The following CYP2J2 variants were observed in gnomAD, a reference collection of about 807,000 sequenced individuals.
CYP2J2 encodes cytochrome P450 family 2 subfamily J member 2.
Under a neutral mutation model 48.8 loss-of-function variants are expected in CYP2J2, and 41 were observed. The observed-to-expected ratio is 0.84, with a 90% confidence interval of 0.66 to 1.09. CYP2J2 has a LOEUF of 1.09. CYP2J2 is among the 50% of genes least tolerant of loss of function. The pLI is 0.00. For synonymous variants in CYP2J2, 221 were observed against 227.1 expected, an observed-to-expected ratio of 0.97 and a Z score of 0.24; for missense variants, 644 against 617.3, an observed-to-expected ratio of 1.04 and a Z score of -0.46.
intron 3 of CYP2J2, 88 bp from the exon 4 acceptor site, chr1:59,911,856 T>A: frequency 7.6e-7 from 1 of 1,321,162 alleles, no homozygotes; most frequent in Non-Finnish European, 1.1e-6. Context: ...GCATAAGACA[T>A]ACCTAGTGCA....
the CYP2J2 span, among the ~76,000 whole-genome samples, chr1:59,954,492 A>G: frequency 6.6e-6 from 1 of 151,762 alleles, no homozygotes; most frequent in East Asian, 1.9e-4. Flanking sequence ...AACCTATTTT[A>G]TTTCAAATGA....
At chr1:59,921,592 T>C (rs768962375) in intron 1 of CYP2J2, among the ~76,000 whole-genome samples, 1 of 152,054 alleles carries the variant, frequency 6.6e-6, no homozygotes, top group Admixed American at 6.5e-5. Flanking sequence ...GCCACGGCTC[T>C]TCTAGGTCTC....
At chr1:59,961,625 T>C in the CYP2J2 span, among the ~76,000 whole-genome samples, 1 of 152,060 alleles carries the variant, frequency 6.6e-6, no homozygotes, top group Non-Finnish European at 1.5e-5. Context: ...CAGCTATATA[T>C]AATGAAAAAT....
At chr1:59,947,601 C>T in the CYP2J2 span, among the ~76,000 whole-genome samples, 9 of 152,228 alleles carry the variant, frequency 5.9e-5, no homozygotes, top group East Asian at 1.7e-3. Context: ...TCTTTCCAAC[C>T]ACTATGTCTC....
chr1:59,893,961 C>A, intron 8 of CYP2J2, 132 bp from the exon 9 acceptor site: 1 of 785,380 alleles, frequency 1.3e-6, no homozygotes, highest in Admixed American at 2.7e-5. Context: ...GTGTTATGGC[C>A]AGCAGCTTAT....
chr1:59,949,871 G>A, the CYP2J2 span, among the ~76,000 whole-genome samples: 2 of 151,770 alleles, frequency 1.3e-5, no homozygotes, highest in Non-Finnish European at 2.9e-5. Context: ...ACCACCCCAG[G>A]ACTTCTGCTA....
chr1:59,953,682 G>A, the CYP2J2 span, among the ~76,000 whole-genome samples: 1 of 152,094 alleles, frequency 6.6e-6, no homozygotes, highest in Non-Finnish European at 1.5e-5. Flanking sequence ...AGTAGGCCAC[G>A]TGAGGGTATT....
At chr1:59,956,335 G>A in the CYP2J2 span, among the ~76,000 whole-genome samples, 5 of 152,162 alleles carry the variant, frequency 3.3e-5, no homozygotes, top group Non-Finnish European at 7.4e-5. Flanking sequence ...AAGGAAGTGT[G>A]TGTTGGATGT....
intron 1 of CYP2J2, 26 bp downstream of exon 1, chr1:59,926,511 C>G: frequency 3.8e-6 from 6 of 1,593,120 alleles, no homozygotes; most frequent in Non-Finnish European, 5.2e-6. Context: ...GGTCAGGACA[C>G]GCTAGGCACC....
the CYP2J2 span, among the ~76,000 whole-genome samples, chr1:59,939,451 C>T: frequency 1.3e-5 from 2 of 152,230 alleles, no homozygotes; most frequent in East Asian, 3.8e-4. Flanking sequence ...CTCTCTCTCT[C>T]TGTTCCAAGC....
chr1:59,909,745 C>T, intron 5 of CYP2J2, 39 bp downstream of exon 5: 1 of 1,496,478 alleles, frequency 6.7e-7, no homozygotes, highest in Non-Finnish European at 9.0e-7. Flanking sequence ...TCTATTTGTG[C>T]TCTAAGAACA....
rs61735629 is a variant in CYP2J2 at position 59,912,259 on chromosome 1, C to A, written c.426G>T (p.Leu142=). The A allele has an allele frequency of 1.8e-4, 298 of 1,613,952 alleles. No homozygotes were observed. The African/African-American group carries it at 2.9e-3, about 16-fold the overall frequency. ...QAWKEQRRFT[L]TALRNFGLGK... ...CTAAACCAAAGTTCCTTAGTGCTGT[C>A]AGAGTGAACCTTCTTTGCTCCTTCC... The change falls in exon 3 of 9, where the codon CTG becomes CTT. Residue 142 remains leucine (L), a synonymous_variant. Transcript: ENST00000371204.
chr1:59,929,699 T>TTGATATAGA (rs1644593793), upstream of CYP2J2, among the ~76,000 whole-genome samples: 1 of 152,104 alleles, frequency 6.6e-6, no homozygotes, highest in African/African-American at 2.4e-5. Flanking sequence ...GTAAGATAGC[T>TTGATATAGA]TGATATAGAT....
At chr1:59,901,216 C>T in intron 7 of CYP2J2, 113 bp from the exon 8 acceptor site, 5 of 1,080,424 alleles carry the variant, frequency 4.6e-6, no homozygotes, top group Non-Finnish European at 6.8e-6. Context: ...TACTGCCCCA[C>T]CCTCCCCAAT....
In CYP2J2 at chr1:59,909,939, T is replaced by G. The variant is rs757787878; in HGVS notation, c.706A>C (p.Ile236Leu). 42 of 1,608,972 alleles carry G rather than the reference T, an allele frequency of 2.6e-5. No homozygotes were observed. In the South Asian group the frequency reaches 4.5e-4, roughly 17 times the overall value. The change falls in exon 5 of 9, where the codon ATA (isoleucine) becomes CTA (leucine). Residue 236 changes from isoleucine to leucine, a missense_variant. By Grantham distance (5) the Ile-to-Leu change is conservative. Transcript: ENST00000371204. ...TCQLYNVFPW[I>L]MKFLPGPHQT... ...TGGGGTCCAGGCAGGAATTTCATTATCCATGGAAAGACATTGTAGAGCTAA... is the reference window on the plus strand; with the variant it reads ...TGGGGTCCAGGCAGGAATTTCATTAGCCATGGAAAGACATTGTAGAGCTAA...
chr1:59,956,439 T>C, the CYP2J2 span, among the ~76,000 whole-genome samples: 1 of 152,014 alleles, frequency 6.6e-6, no homozygotes, highest in East Asian at 1.9e-4. Context: ...TGAATATGAG[T>C]ACAGTATTTT....
chr1:59,904,759 A>G (rs920892702), intron 7 of CYP2J2, 112 bp downstream of exon 7: 1 of 859,622 alleles, frequency 1.2e-6, no homozygotes, highest in Non-Finnish European at 1.8e-6. Context: ...TATCAGGTAT[A>G]AGATATCTTT....
At chr1:59,908,075 G>C (rs1455278556) in intron 5 of CYP2J2, 148 bp from the exon 6 acceptor site, 3 of 711,164 alleles carry the variant, frequency 4.2e-6, no homozygotes, top group Admixed American at 2.6e-5. Context: ...TCAGAAGGCA[G>C]ACTCTTATTA....
At chr1:59,901,700 T>G (rs1644321475) in intron 7 of CYP2J2, among the ~76,000 whole-genome samples, 1 of 152,178 alleles carries the variant, frequency 6.6e-6, no homozygotes, top group South Asian at 2.1e-4. Context: ...TCTGTCGTTA[T>G]CCAACCCATC....
Sources: gnomAD v4.1 joint callset for allele counts (sites outside exome capture counted in the v4.1 genomes callset) on GRCh38, gnomAD v4.1.1 for gene constraint, MANE v1.5 for transcripts, NCBI Gene and HGNC (gene_info 2026-07-23, HGNC 2026-07-21) for gene names.